The following CEP135 variants were observed in gnomAD, a reference collection of about 807,000 sequenced individuals.
CEP135 encodes the protein centrosomal protein 135, also known as centrosomal protein of 135 kDa.
In CEP135, 142 loss-of-function variants were observed where a neutral mutation model predicts 157.3. That is an observed-to-expected ratio of 0.90 (90% CI 0.79 to 1.04). CEP135 has a LOEUF of 1.04. Among genes scored for constraint, CEP135 ranks in the 50% least tolerant of loss-of-function variants. The probability of loss-of-function intolerance (pLI) is 0.00; values close to 1 mark genes in which losing one functional copy is unlikely to be tolerated. For missense variants in CEP135, 1,317 were observed against 1,309.2 expected (o/e 1.01, Z -0.09); for synonymous variants, 396 against 439.8 (o/e 0.90, Z 1.25).
chr4:56,014,900 A>C (rs1730717731), intron 21 of CEP135, among the ~76,000 whole-genome samples: 1 of 152,064 alleles, frequency 6.6e-6, no homozygotes, highest in South Asian at 2.1e-4. Flanking sequence ...CTCTACAAAA[A>C]ATACAAATAA....
At chr4:55,962,111 T>C (rs977451739) in intron 6 of CEP135, among the ~76,000 whole-genome samples, 1 of 152,190 alleles carries the variant, frequency 6.6e-6, no homozygotes, top group African/African-American at 2.4e-5. Flanking sequence ...CTCTTATTTT[T>C]TTTTTTGAGA....
intron 23 of CEP135, among the ~76,000 whole-genome samples, chr4:56,020,101 G>A (rs1285515837): frequency 6.6e-6 from 1 of 152,158 alleles, no homozygotes; most frequent in African/African-American, 2.4e-5. Context: ...GCCTACAGTT[G>A]AGGAATGGAC....
intron 11 of CEP135, among the ~76,000 whole-genome samples, chr4:55,978,127 A>G (rs1729281402): frequency 6.6e-6 from 1 of 152,206 alleles, no homozygotes; most frequent in Admixed American, 6.5e-5. Flanking sequence ...TTTAAAGAAG[A>G]GTAGAGTTTC....
Position 55,969,055 on chromosome 4 carries a change from A to G in CEP135, c.1045-8A>G. On this transcript the variant is annotated splice_region_variant and splice_polypyrimidine_tract_variant and intron_variant, in intron 8 of 25. Coordinates refer to ENST00000257287, the MANE Select transcript of CEP135 (RefSeq NM_025009.5). ...TAAGTATATACCTAATAGGCTTTTT[A>G]TTCCTAGAAAGAGATTAAAAGAAAG... The G allele has an allele frequency of 6.2e-7, 1 of 1,601,286 alleles. No individual in the cohort carries two copies. The highest frequency in any genetic ancestry group is 1.3e-5 in the African/African-American group (1 of 74,160).
chr4:56,013,722 T>G (rs1730674405), intron 21 of CEP135, among the ~76,000 whole-genome samples: 1 of 152,178 alleles, frequency 6.6e-6, no homozygotes, highest in Non-Finnish European at 1.5e-5. Context: ...TGTTTTGTTT[T>G]GTTTGTATAG....
intron 10 of CEP135, among the ~76,000 whole-genome samples, chr4:55,972,736 A>G (rs1417319764): frequency 6.6e-6 from 1 of 152,236 alleles, no homozygotes; most frequent in East Asian, 1.9e-4. Context: ...AACCATGTAT[A>G]AAAGTTTAAA....
In CEP135 at chr4:55,974,766, G is replaced by T; in HGVS notation, c.1270G>T (p.Val424Phe). Residue 424 changes from valine (V) to phenylalanine (F), a missense_variant, in exon 11 of 26, where the codon GTT (valine) becomes TTT (phenylalanine). Val to Phe is a conservative substitution (Grantham distance 50). Coordinates refer to ENST00000257287, the MANE Select transcript of CEP135 (RefSeq NM_025009.5). ...AVTERQLTLE[V>F]ERMRLEHGIK... ...TACAGAACGACAACTTACTCTGGAG[G>T]TTGAGAGGATGAGACTAGAACATGG... is the stretch of plus-strand genomic sequence containing the variant. 6.2e-7 allele frequency: 1 copy of T among 1,613,048 alleles called. No homozygotes were observed. Among genetic ancestry groups the T allele is most frequent in the South Asian group, 1.1e-5 (1 of 90,788 alleles).
chr4:55,964,665 C>T (rs1302888824), intron 7 of CEP135, among the ~76,000 whole-genome samples: 1 of 151,982 alleles, frequency 6.6e-6, no homozygotes, highest in Non-Finnish European at 1.5e-5. Flanking sequence ...AAACTCTGGG[C>T]ACATGATTGC....
chr4:55,985,950 C>T (rs1004449514), intron 14 of CEP135, among the ~76,000 whole-genome samples: 8 of 151,852 alleles, frequency 5.3e-5, no homozygotes, highest in African/African-American at 1.9e-4. Flanking sequence ...CAAAAAAAAT[C>T]ACAAAATAGT....
chr4:55,993,428 C>T (rs546341102), intron 15 of CEP135, among the ~76,000 whole-genome samples: 1 of 152,284 alleles, frequency 6.6e-6, no homozygotes, highest in Admixed American at 6.5e-5. Context: ...ACTATATTAG[C>T]GACTCATAAA....
chr4:56,027,004 G>A (rs910988661), intron 25 of CEP135, among the ~76,000 whole-genome samples: 7 of 152,168 alleles, frequency 4.6e-5, no homozygotes, highest in African/African-American at 1.4e-4. Flanking sequence ...ATTCTTTGAC[G>A]TACTGATGCC....
intron 19 of CEP135, among the ~76,000 whole-genome samples, chr4:56,010,939 A>C (rs1279014318): frequency 6.6e-6 from 1 of 152,170 alleles, no homozygotes. Flanking sequence ...GTTTGGTTAA[A>C]AAGTCAGTAT....
rs1420042329 is a variant in CEP135, at chr4:56,033,047, C to T, written c.*1699C>T. 6 of 151,994 alleles carry T rather than the reference C, an allele frequency of 3.9e-5. No homozygotes were observed. Among genetic ancestry groups the T allele is most frequent in the Admixed American group, 3.3e-4 (5 of 15,246 alleles). The allele number at this position is 151,994 out of a possible 1,614,324, so 9.4% of individuals were successfully genotyped here. ...ATATATTATAGCAAAATACAAGAGA[C>T]ATGGGACTGTTTGCAATACCATATG... On this transcript the variant is annotated 3_prime_UTR_variant, in exon 26 of 26. Coordinates refer to ENST00000257287, the MANE Select transcript of CEP135 (RefSeq NM_025009.5).
intron 25 of CEP135, among the ~76,000 whole-genome samples, chr4:56,029,643 T>TGGTATATA (rs1731275333): frequency 6.6e-6 from 1 of 152,174 alleles, no homozygotes; most frequent in East Asian, 1.9e-4. Flanking sequence ...TATAGCCTAC[T>TGGTATATA]GCATACCCAG....
intron 3 of CEP135, among the ~76,000 whole-genome samples, 156 bp from the exon 4 acceptor site, chr4:55,954,057 TTAA>T (rs1054015380): frequency 2.0e-5 from 3 of 152,226 alleles, no homozygotes; most frequent in Non-Finnish European, 2.9e-5. Context: ...TGCAGTTTTG[TTAA>T]TAATAGTAGA....
intron 5 of CEP135, 51 bp downstream of exon 5, chr4:55,957,415 C>T: frequency 1.3e-6 from 2 of 1,560,302 alleles, no homozygotes; most frequent in South Asian, 2.4e-5. Context: ...ACTCAATTAG[C>T]TGTAAGTTTC....
In CEP135 at chr4:55,990,609, C is replaced by G. The variant is rs57886922; in HGVS notation, c.1858-1325C>G. Among the ~76,000 whole-genome samples, 1,175 of 152,096 alleles carry G rather than the reference C, an allele frequency of 7.7e-3. 15 individuals are homozygous for G. Among genetic ancestry groups the G allele is most frequent in the African/African-American group, 0.024 (1,005 of 41,478 alleles). On this transcript the variant is annotated intron_variant, in intron 14 of 25. Transcript: ENST00000257287. Reference sequence around the variant, plus strand: ...CTCCTGGGCTCAAGCAATCCTCCCACCTCTTCAGCCTCCCTAGGAGCTAGG... The same window carrying G: ...CTCCTGGGCTCAAGCAATCCTCCCAGCTCTTCAGCCTCCCTAGGAGCTAGG...
chr4:55,991,222 C>T (rs1025422505), intron 14 of CEP135, among the ~76,000 whole-genome samples: 13 of 152,066 alleles, frequency 8.5e-5, no homozygotes, highest in Non-Finnish European at 4.4e-5. Context: ...ATGATATGCC[C>T]ACCGTGGCCT....
At chr4:56,030,757 T>A (rs1447660636) in intron 25 of CEP135, among the ~76,000 whole-genome samples, 1 of 152,100 alleles carries the variant, frequency 6.6e-6, no homozygotes, top group African/African-American at 2.4e-5. Flanking sequence ...ACCCAGCCTG[T>A]GTTTCTTGTT....
Sources: allele counts gnomAD v4.1 joint callset (sites outside exome capture counted in the v4.1 genomes callset), GRCh38; gene constraint gnomAD v4.1.1; transcripts MANE v1.5; gene names NCBI Gene and HGNC (gene_info 2026-07-23, HGNC 2026-07-21).